TUBGCP6: variants seen among roughly 807,000 people sequenced by gnomAD.
TUBGCP6 encodes tubulin gamma complex component 6.
A neutral mutation model predicts 175.8 loss-of-function variants in TUBGCP6; 161 were observed. That is an observed-to-expected ratio of 0.92 (90% CI 0.81 to 1.04). The LOEUF is 1.04. Ranked by LOEUF, TUBGCP6 falls within the 50% of genes least tolerant of loss-of-function variation. The probability of loss-of-function intolerance (pLI) is 0.00; values close to 1 mark genes in which losing one functional copy is unlikely to be tolerated. For synonymous variants in TUBGCP6, 1,173 were observed against 1,030.5 expected, an observed-to-expected ratio of 1.14 and a Z score of -2.65; for missense variants, 2,572 against 2,433.0, an observed-to-expected ratio of 1.06 and a Z score of -1.20.
At chr22:50,237,938 C>A (rs2147210113) in intron 2 of TUBGCP6, among the ~76,000 whole-genome samples, 1 of 152,248 alleles carries the variant, frequency 6.6e-6, no homozygotes, top group Non-Finnish European at 1.5e-5. Flanking sequence ...GCCTGACCAA[C>A]ATGGAGAAAC....
chr22:50,226,877 C>T lies in TUBGCP6; in HGVS notation c.1492-35G>A, dbSNP rs139864746. The T allele has an allele frequency of 0.013, 20,459 of 1,559,276 alleles. 180 individuals are homozygous for T. The highest frequency in any genetic ancestry group is 0.015 in the Non-Finnish European group (17,354 of 1,149,724). On this transcript the variant is annotated intron_variant, in intron 6 of 24. Transcript: ENST00000248846. ...GCAAAGGGGGTGGGGGGCAGCTCAG[C>T]GCACCCAGCGCTGGGAGTGAGGCGC...
chr22:50,232,231 T>C (rs1383967006), intron 3 of TUBGCP6, among the ~76,000 whole-genome samples: 2 of 151,376 alleles, frequency 1.3e-5, no homozygotes, highest in Non-Finnish European at 2.9e-5. Flanking sequence ...CCAGCCGTAG[T>C]GACATGCACC....
At position 50,219,177 on chromosome 22, in the gene TUBGCP6, T is replaced by C. The variant is rs758249771; in HGVS notation, c.4517A>G (p.Tyr1506Cys). 1 of 1,612,076 alleles carries C rather than the reference T, an allele frequency of 6.2e-7. No individual in the cohort carries two copies. Among genetic ancestry groups the C allele is most frequent in the Non-Finnish European group, 8.5e-7 (1 of 1,179,980 alleles). The change falls in exon 20 of 25, where the codon TAC (tyrosine) becomes TGC (cysteine). Residue 1506 changes from tyrosine (Y) to cysteine (C), a missense_variant. Transcript: ENST00000248846. ...CTCCAGGTGCAGCTCCACGAAGAAG[T>C]AGTCGACAGCGGCCTTGTTCACCAA... The part of the protein sequence containing the change: ...ISLVNKAAVD[Y>C]FFVELHLEAH...
At chr22:50,241,042 C>T (rs6010216) in intron 1 of TUBGCP6, among the ~76,000 whole-genome samples, 113,423 of 152,190 alleles carry the variant, frequency 0.75, 42,532 homozygotes, top group South Asian at 0.89. Flanking sequence ...TGTTCTAGTA[C>T]AATAAAATAT....
rs772034902 is a variant in TUBGCP6, at chr22:50,219,475, G to A, written c.4316-19C>T. ...GGCTCGGCTGCGGGAGATGGAGCACGCACGTGCTGGGAACCGGCCAGCCCA... is the reference window on the plus strand; with the variant it reads ...GGCTCGGCTGCGGGAGATGGAGCACACACGTGCTGGGAACCGGCCAGCCCA... On this transcript the variant is annotated intron_variant, in intron 18 of 24. Coordinates refer to ENST00000248846, the MANE Select transcript of TUBGCP6 (RefSeq NM_020461.4). 13 of 1,590,828 alleles carry A rather than the reference G, an allele frequency of 8.2e-6. No homozygotes were observed. Among genetic ancestry groups the A allele is most frequent in the South Asian group, 3.4e-5 (3 of 88,776 alleles).
chr22:50,224,143 C>A lies in TUBGCP6; in HGVS notation c.2268G>T (p.Ala756=), dbSNP rs368982253. The part of the protein sequence containing the change: ...KSLEEELERK[A]RQALVDHYSK... The stretch of plus-strand genomic sequence containing the variant: ...GCCTGGAGCCCGGGCTGCCCTACCT[C>A]GCCTTCCTCTCCAGCTCCTCCTCCA... The change falls in exon 13 of 25, where the codon GCG becomes GCT. Residue 756 remains alanine, a splice_region_variant and synonymous_variant. Coordinates refer to ENST00000248846, the MANE Select transcript of TUBGCP6 (RefSeq NM_020461.4). 16 of 1,612,932 alleles carry A rather than the reference C, an allele frequency of 9.9e-6. No individual in the cohort carries two copies. The highest frequency in any genetic ancestry group is 2.7e-5 in the African/African-American group (2 of 75,050).
In TUBGCP6 at chr22:50,219,636, G is replaced by A. The variant is rs769430905; in HGVS notation, c.4315+8C>T. The A allele has an allele frequency of 3.7e-6, 6 of 1,612,450 alleles. No homozygotes were observed. In the South Asian group the frequency reaches 4.4e-5, roughly 12 times the overall value. On this transcript the variant is annotated splice_region_variant and intron_variant, in intron 18 of 24. Transcript: ENST00000248846. ...GGGCTCCCTGCCAACAGCAACTGCT[G>A]CACTCACACATGGACTCGTAACTGT...
At chr22:50,233,737 C>T (rs1026106710) in intron 2 of TUBGCP6, among the ~76,000 whole-genome samples, 7 of 152,250 alleles carry the variant, frequency 4.6e-5, no homozygotes, top group African/African-American at 1.7e-4. Flanking sequence ...TCGATTCTAT[C>T]AGGACAACTC....
rs1469553264 is a variant in TUBGCP6 at position 50,226,092 on chromosome 22, G to C, written c.1791C>G (p.Val597=). The C allele has an allele frequency of 3.7e-6, 6 of 1,614,188 alleles. No homozygotes were observed. The highest frequency in any genetic ancestry group is 5.1e-6 in the Non-Finnish European group (6 of 1,180,030). The change falls in exon 9 of 25, where the codon GTC becomes GTG. Residue 597 remains valine (V), a synonymous_variant. Transcript: ENST00000248846. ...TCAGCAGGTTAATGGTCTTTCCGCA[G>C]ACGTATATGTCGTGGGCAATGTGCT... ...FLKHIAHDIY[V]CGKTINLLKL...
In TUBGCP6 at chr22:50,220,652, C is replaced by G; in HGVS notation, c.3707G>C (p.Arg1236Pro). The G allele has an allele frequency of 6.2e-7, 1 of 1,608,966 alleles. No homozygotes were observed. Among genetic ancestry groups the G allele is most frequent in the Non-Finnish European group, 8.5e-7 (1 of 1,179,230 alleles). The part of the protein sequence containing the change: ...GENVSDVAPI[R>P]SRCNTHGHVS... The stretch of plus-strand genomic sequence containing the variant: ...GTGTCCATGGGTGTTGCACCGTGAC[C>G]GGATGGGAGCCACGTCCGATACGTT... Residue 1236 changes from arginine to proline, a missense_variant, in exon 16 of 25, where the codon CGG becomes CCG. By Grantham distance (103) the Arg-to-Pro change is moderately radical. Coordinates refer to ENST00000248846, the MANE Select transcript of TUBGCP6 (RefSeq NM_020461.4).
chr22:50,238,175 T>A (rs1235753999), intron 2 of TUBGCP6, among the ~76,000 whole-genome samples: 1 of 150,832 alleles, frequency 6.6e-6, no homozygotes, highest in African/African-American at 2.4e-5. Flanking sequence ...GACAGACTTA[T>A]GAGGGAGAGT....
At position 50,218,955 on chromosome 22, in the gene TUBGCP6, C is replaced by T. The variant is rs560215964; in HGVS notation, c.4627-58G>A. The T allele has an allele frequency of 2.2e-4, 349 of 1,584,730 alleles. 6 individuals carry two copies. The South Asian group carries it at 3.3e-3, about 15-fold the overall frequency. On this transcript the variant is annotated intron_variant, in intron 20 of 24. Transcript: ENST00000248846. ...TCCCAAGCACATGCCTGGCACTCGC[C>T]GGCACCCCATGGGGCTGTGCCAGAG...
Position 50,222,497 on chromosome 22 carries a change from C to CGAG in TUBGCP6, c.2365_2366insCTC (p.Ser789delinsThrArg). On this transcript the variant is annotated protein_altering_variant, in exon 14 of 25. Coordinates refer to ENST00000248846, the MANE Select transcript of TUBGCP6 (RefSeq NM_020461.4). Reference sequence around the variant, plus strand: ...TTCTAAGAGAAAACGAAGCCGTGCACTCTCCAGTCGGTGCCTCTGGATTCT... The same window carrying CGAG: ...TTCTAAGAGAAAACGAAGCCGTGCACGAGTCTCCAGTCGGTGCCTCTGGATTCT... 6.2e-7 allele frequency: 1 copy of CGAG among 1,613,888 alleles called. No homozygotes were observed. The highest frequency in any genetic ancestry group is 8.5e-7 in the Non-Finnish European group (1 of 1,180,040).
rs1193662289 is a variant in TUBGCP6 at position 50,218,326 on chromosome 22, C to G, written c.5031G>C (p.Val1677=). The change falls in exon 23 of 25, where the codon GTG becomes GTC. Residue 1677 remains valine, a synonymous_variant. Transcript: ENST00000248846. ...QLFKHEMQHF[V]KVIQGYIANQ... The stretch of plus-strand genomic sequence containing the variant: ...TGGCGATGTAGCCCTGGATGACCTT[C>G]ACGAAATGCTGCATCTCGTGCTTGA... 1.2e-6 allele frequency: 2 copies of G among 1,613,096 alleles called. No homozygotes were observed. Among genetic ancestry groups the G allele is most frequent in the Non-Finnish European group, 1.7e-6 (2 of 1,180,000 alleles).
At chr22:50,237,150 C>T (rs943051016) in intron 2 of TUBGCP6, among the ~76,000 whole-genome samples, 1 of 152,230 alleles carries the variant, frequency 6.6e-6, no homozygotes, top group African/African-American at 2.4e-5. Flanking sequence ...CCAGCCCTTG[C>T]AGCTCAGCAG....
At chr22:50,241,652 G>A (rs12170619) in intron 1 of TUBGCP6, among the ~76,000 whole-genome samples, 5,950 of 152,264 alleles carry the variant, frequency 0.039, 406 homozygotes, top group African/African-American at 0.14. Context: ...AAATAATGGT[G>A]TAAGCTGTCT....
intron 4 of TUBGCP6, 114 bp downstream of exon 4, chr22:50,229,290 A>G (rs1341590544): frequency 4.2e-6 from 5 of 1,204,664 alleles, no homozygotes; most frequent in Middle Eastern, 2.1e-4. Flanking sequence ...GTTAGCAAGG[A>G]AAGAAAAGGT....
chr22:50,219,384 A>G lies in TUBGCP6; in HGVS notation c.4388T>C (p.Val1463Ala). 4 of 1,578,722 alleles carry G rather than the reference A, an allele frequency of 2.5e-6. No individual in the cohort carries two copies. Among genetic ancestry groups the G allele is most frequent in the Non-Finnish European group, 3.4e-6 (4 of 1,163,220 alleles). The change falls in exon 19 of 25, where the codon GTC becomes GCC. Residue 1463 changes from valine (V) to alanine (A), a missense_variant. Val to Ala is a moderately conservative substitution (Grantham distance 64). Transcript: ENST00000248846. ...RAFAFPVDPQ[V>A]QSAADETAVQ... ...AGCAGTCTCATCAGCGGCAGACTGG[A>G]CCTGGGGGTCCACGGGGAAGGCGAA... is the stretch of plus-strand genomic sequence containing the variant.
chr22:50,235,495 T>C (rs573142569), intron 2 of TUBGCP6, among the ~76,000 whole-genome samples: 1 of 152,356 alleles, frequency 6.6e-6, no homozygotes, highest in South Asian at 2.1e-4. Context: ...GGCACGGCAC[T>C]CAAGGACGCC....
Sources: allele counts gnomAD v4.1 joint callset (sites outside exome capture counted in the v4.1 genomes callset), GRCh38; gene constraint gnomAD v4.1.1; transcripts MANE v1.5; gene names NCBI Gene and HGNC (gene_info 2026-07-23, HGNC 2026-07-21).